The following GPATCH2 variants were observed in gnomAD, a reference collection of about 807,000 sequenced individuals.
GPATCH2 encodes the protein G patch domain-containing protein 2.
Under a neutral mutation model 58.0 loss-of-function variants are expected in GPATCH2, and 51 were observed. The observed-to-expected ratio is 0.88, with a 90% CI of 0.70 to 1.11. The LOEUF is 1.11. Among genes scored for constraint, GPATCH2 ranks in the 50% most tolerant of loss-of-function variants. The pLI is 0.00. For missense variants in GPATCH2, 625 were observed against 652.2 expected (o/e 0.96, Z 0.45); for synonymous variants, 222 against 218.5 (o/e 1.02, Z -0.14).
intron 5 of GPATCH2, among the ~76,000 whole-genome samples, chr1:217,531,898 A>G (rs1246460065): frequency 6.6e-6 from 1 of 152,234 alleles, no homozygotes; most frequent in African/African-American, 2.4e-5. Context: ...CAAGAGGAGC[A>G]TGTATGCATC....
intron 5 of GPATCH2, among the ~76,000 whole-genome samples, chr1:217,547,422 C>T (rs147279788): frequency 3.2e-4 from 49 of 152,054 alleles, no homozygotes; most frequent in East Asian, 2.1e-3. Context: ...ACACTGCTGG[C>T]GGGAGTGTAA....
At chr1:217,572,634 C>A (rs750636635) in intron 5 of GPATCH2, among the ~76,000 whole-genome samples, 8 of 152,130 alleles carry the variant, frequency 5.3e-5, no homozygotes, top group Non-Finnish European at 8.8e-5. Flanking sequence ...CATTAAGAAC[C>A]AGAATTCAAT....
chr1:217,608,097 T>C (rs903252323), intron 5 of GPATCH2: 2 of 168,486 alleles, frequency 1.2e-5, no homozygotes, highest in African/African-American at 4.8e-5. Context: ...ATTATAGTTA[T>C]ACATAATATA....
intron 6 of GPATCH2, among the ~76,000 whole-genome samples, chr1:217,499,936 C>T (rs1468406682): frequency 1.3e-5 from 2 of 152,064 alleles, no homozygotes; most frequent in Non-Finnish European, 2.9e-5. Flanking sequence ...TATGGTTATA[C>T]CAATAGCTTG....
chr1:217,476,899 G>T (rs1183725310), intron 8 of GPATCH2, among the ~76,000 whole-genome samples: 4 of 152,110 alleles, frequency 2.6e-5, no homozygotes, highest in Non-Finnish European at 5.9e-5. Context: ...ACTAGCGGGG[G>T]TGGTTAAGGG....
intron 5 of GPATCH2, among the ~76,000 whole-genome samples, chr1:217,589,168 T>G (rs1376032857): frequency 4.6e-5 from 7 of 152,154 alleles, no homozygotes; most frequent in Non-Finnish European, 8.8e-5. Context: ...TGGGCCCATA[T>G]GTCATGTCAA....
At chr1:217,446,740 T>A (rs1659403595) in intron 9 of GPATCH2, among the ~76,000 whole-genome samples, 1 of 152,098 alleles carries the variant, frequency 6.6e-6, no homozygotes, top group Non-Finnish European at 1.5e-5. Context: ...AAATATAAAA[T>A]CTGGTATATG....
intron 5 of GPATCH2, among the ~76,000 whole-genome samples, chr1:217,575,010 T>A (rs1442436609): frequency 6.6e-6 from 1 of 152,198 alleles, no homozygotes; most frequent in African/African-American, 2.4e-5. Flanking sequence ...ACTTATATGA[T>A]TTTTCTTGGT....
intron 5 of GPATCH2, among the ~76,000 whole-genome samples, chr1:217,589,360 C>A (rs927114876): frequency 7.2e-5 from 11 of 152,030 alleles, no homozygotes; most frequent in Non-Finnish European, 1.6e-4. Context: ...TCCCCTCTGC[C>A]CAGAGTGGCT....
chr1:217,554,843 C>T (rs1665543661), intron 5 of GPATCH2, among the ~76,000 whole-genome samples: 1 of 152,128 alleles, frequency 6.6e-6, no homozygotes, highest in Non-Finnish European at 1.5e-5. Context: ...TGTCTTTTCT[C>T]CCATATTTAT....
At chr1:217,600,943 TAGATC>T (rs1558515926) in intron 5 of GPATCH2, among the ~76,000 whole-genome samples, 1 of 152,178 alleles carries the variant, frequency 6.6e-6, no homozygotes, top group Non-Finnish European at 1.5e-5. Flanking sequence ...AAAAAGTCCA[TAGATC>T]ACATATATCT....
intron 8 of GPATCH2, among the ~76,000 whole-genome samples, chr1:217,466,908 C>T (rs1406752457): frequency 6.6e-6 from 1 of 152,214 alleles, no homozygotes; most frequent in South Asian, 2.1e-4. Flanking sequence ...CGCGGTGGCT[C>T]ACGCCTGTAA....
intron 5 of GPATCH2, chr1:217,608,813 A>G: frequency 1.0e-6 from 1 of 984,968 alleles, no homozygotes; most frequent in Non-Finnish European, 1.2e-6. Context: ...ACAATTACCA[A>G]CACCACACTA....
At chr1:217,527,467 C>G (rs1350221519) in intron 5 of GPATCH2, among the ~76,000 whole-genome samples, 1 of 144,888 alleles carries the variant, frequency 6.9e-6, no homozygotes, top group Non-Finnish European at 1.5e-5. Flanking sequence ...GGGATACGGC[C>G]AATAACATCC....
intron 8 of GPATCH2, 56 bp from the exon 9 acceptor site, chr1:217,449,393 T>C: frequency 9.9e-7 from 1 of 1,007,020 alleles, no homozygotes; most frequent in Non-Finnish European, 1.6e-6. Context: ...GACACATAAA[T>C]ACACAGCTTG....
intron 8 of GPATCH2, among the ~76,000 whole-genome samples, chr1:217,490,073 G>A (rs986474749): frequency 1.3e-5 from 2 of 152,006 alleles, no homozygotes; most frequent in Admixed American, 6.6e-5. Flanking sequence ...TCTTCGCAAA[G>A]GTCTGTAAAT....
intron 5 of GPATCH2, among the ~76,000 whole-genome samples, chr1:217,534,527 T>A (rs1664368082): frequency 6.6e-6 from 1 of 151,782 alleles, no homozygotes; most frequent in East Asian, 1.9e-4. Context: ...AAAATGAAAT[T>A]CTGTGTTAAA....
In GPATCH2 at chr1:217,529,405, G is replaced by C. The variant is rs898209458; in HGVS notation, c.1099-14516C>G. On this transcript the variant is annotated intron_variant, in intron 5 of 9. Coordinates refer to ENST00000366935, the MANE Select transcript of GPATCH2 (RefSeq NM_018040.5). Reference sequence around the variant, plus strand: ...CCTCTGCATGGTAGTGAGTTCTCCTGCTGGAAGACTGGATTAATTCTTGTA... The same window carrying C: ...CCTCTGCATGGTAGTGAGTTCTCCTCCTGGAAGACTGGATTAATTCTTGTA... Among the ~76,000 whole-genome samples, 3 of 152,120 alleles carry C rather than the reference G, an allele frequency of 2.0e-5. No individual in the cohort carries two copies. The East Asian group carries it at 5.8e-4, about 29-fold the overall frequency.
At chr1:217,548,792 T>C (rs556702964) in intron 5 of GPATCH2, among the ~76,000 whole-genome samples, 1 of 152,286 alleles carries the variant, frequency 6.6e-6, no homozygotes, top group African/African-American at 2.4e-5. Flanking sequence ...CTGCTGGCAC[T>C]CATTCTCTCC....
Sources: allele counts gnomAD v4.1 joint callset (sites outside exome capture counted in the v4.1 genomes callset), GRCh38; gene constraint gnomAD v4.1.1; transcripts MANE v1.5; gene names NCBI Gene and HGNC (gene_info 2026-07-23, HGNC 2026-07-21).